PTPRA: variants seen among roughly 807,000 people sequenced by gnomAD.
PTPRA encodes the protein receptor-type tyrosine-protein phosphatase alpha.
In PTPRA, 25 loss-of-function variants were observed where a neutral mutation model predicts 104.8. The ratio of observed to expected loss-of-function variants is 0.24; its 90% CI spans 0.17 to 0.33. PTPRA has a LOEUF of 0.33. Among genes scored for constraint, PTPRA ranks in the 10% least tolerant of loss-of-function variants. PTPRA has a pLI of 1.00. For synonymous variants in PTPRA, 323 were observed against 368.9 expected (o/e 0.88, Z 1.43); for missense variants, 765 against 1,015.3 (o/e 0.75, Z 3.35).
At chr20:2,989,765 C>T (rs1308850117) in intron 9 of PTPRA, among the ~76,000 whole-genome samples, 1 of 152,150 alleles carries the variant, frequency 6.6e-6, no homozygotes, top group Non-Finnish European at 1.5e-5. Context: ...CGCCTGTAAT[C>T]CCAGCACTTT....
At chr20:3,001,875 C>T (rs1178032) in intron 9 of PTPRA, among the ~76,000 whole-genome samples, 36,818 of 152,120 alleles carry the variant, frequency 0.24, 7,919 homozygotes, top group African/African-American at 0.58. Context: ...TTTAATTTCT[C>T]CTATCACTGT....
chr20:2,870,323 G>A (rs565774830), upstream of PTPRA, among the ~76,000 whole-genome samples: 95 of 152,098 alleles, frequency 6.2e-4, no homozygotes, highest in South Asian at 5.8e-3. Context: ...AGCCGAGATC[G>A]TGCCATTGCA....
At chr20:2,873,116 G>A (rs962986737), upstream of PTPRA, among the ~76,000 whole-genome samples, 1 of 152,192 alleles carries the variant, frequency 6.6e-6, no homozygotes, top group African/African-American at 2.4e-5. The surrounding 1 kb of genome is among the most constrained non-coding windows in gnomAD (Gnocchi z 4.4). Flanking sequence ...GATGGCTCTC[G>A]AGTTGCAGGC....
intron 5 of PTPRA, among the ~76,000 whole-genome samples, chr20:2,970,039 TATAAATA>T (rs1166789652): frequency 6.6e-6 from 1 of 152,156 alleles, no homozygotes; most frequent in African/African-American, 2.4e-5. Flanking sequence ...CCATTTATAA[TATAAATA>T]ATAGATATGC....
At chr20:2,980,804 G>T (rs1317965568) in intron 6 of PTPRA, among the ~76,000 whole-genome samples, 2 of 152,110 alleles carry the variant, frequency 1.3e-5, no homozygotes, top group Non-Finnish European at 2.9e-5. Flanking sequence ...ATTTCCCAGG[G>T]CTACTGTTGC....
chr20:2,932,207 G>A (rs1398242157), intron 2 of PTPRA, among the ~76,000 whole-genome samples: 2 of 152,140 alleles, frequency 1.3e-5, no homozygotes, highest in African/African-American at 2.4e-5. Context: ...CTGAGGGCAG[G>A]AATTAGATTT....
At chr20:2,914,578 A>G (rs972338456) in intron 1 of PTPRA, among the ~76,000 whole-genome samples, 4 of 151,822 alleles carry the variant, frequency 2.6e-5, no homozygotes, top group African/African-American at 9.7e-5. Flanking sequence ...TGACAGAGAA[A>G]CTGGGCCCCA....
chr20:2,912,866 G>A (rs185722626), intron 1 of PTPRA, among the ~76,000 whole-genome samples: 2 of 152,210 alleles, frequency 1.3e-5, no homozygotes, highest in Admixed American at 6.5e-5. Flanking sequence ...GGGGTAATGG[G>A]GTACTTTGAC....
intron 3 of PTPRA, among the ~76,000 whole-genome samples, chr20:2,953,119 GA>G (rs890369156): frequency 6.6e-6 from 1 of 152,058 alleles, no homozygotes; most frequent in Non-Finnish European, 1.5e-5. Flanking sequence ...GTTTTTTGAG[GA>G]ATTGCCATAC....
chr20:2,889,055 T>C (rs1353836318), intron 1 of PTPRA, among the ~76,000 whole-genome samples: 1 of 152,202 alleles, frequency 6.6e-6, no homozygotes, highest in Non-Finnish European at 1.5e-5. Flanking sequence ...GAGCAAGTAG[T>C]GGTTAATAGA....
intron 6 of PTPRA, 112 bp from the exon 7 acceptor site, chr20:2,986,653 T>C (rs2062924003): frequency 6.7e-6 from 6 of 890,232 alleles, no homozygotes; most frequent in Admixed American, 1.8e-5. Flanking sequence ...TTTCCTGGCA[T>C]CTGCAGAAGG....
chr20:3,037,950 C>T lies in PTPRA; in HGVS notation c.2335-109C>T. ...GCTCAGGTGAAAGTTCAAAAACATT[C>T]AGTTCCTCTTGATTTTCCATCTTCA... On this transcript the variant is annotated intron_variant, in intron 23 of 23. Coordinates refer to ENST00000399903, the MANE Select transcript of PTPRA (RefSeq NM_001385305.1). The surrounding 1 kb of genome is among the most constrained non-coding windows in gnomAD (Gnocchi z 4.3). 4 of 936,216 alleles carry T rather than the reference C, an allele frequency of 4.3e-6. No homozygotes were observed. The highest frequency in any genetic ancestry group is 6.8e-6 in the Non-Finnish European group (4 of 591,562). 58.0% of individuals were successfully genotyped at this position (936,216 alleles called of 1,614,324 possible). A position where few individuals can be genotyped will look rare whatever the true frequency, so the allele number is the denominator to read the frequency against.
chr20:3,029,456 A>T (rs1334613970), intron 20 of PTPRA, among the ~76,000 whole-genome samples: 1 of 149,714 alleles, frequency 6.7e-6, no homozygotes, highest in Non-Finnish European at 1.5e-5. Flanking sequence ...TTCAATTTTG[A>T]TCAGTCATTT....
At chr20:3,014,890 G>A (rs1268904403) in intron 11 of PTPRA, among the ~76,000 whole-genome samples, 2 of 152,206 alleles carry the variant, frequency 1.3e-5, no homozygotes, top group Non-Finnish European at 2.9e-5. Context: ...AAACAATGAC[G>A]TTGAAAAGAT....
At chr20:3,019,318 G>A (rs1263406490) in intron 13 of PTPRA, among the ~76,000 whole-genome samples, 22 of 151,164 alleles carry the variant, frequency 1.5e-4, no homozygotes, top group Non-Finnish European at 2.7e-4. Flanking sequence ...CTTCCCAGAC[G>A]GGGTGGCTGC....
At chr20:2,904,776 G>T (rs1364921705) in intron 1 of PTPRA, among the ~76,000 whole-genome samples, 1 of 152,024 alleles carries the variant, frequency 6.6e-6, no homozygotes, top group East Asian at 1.9e-4. Flanking sequence ...GTGTAGGAAG[G>T]AGTGAAATGA....
upstream of PTPRA, among the ~76,000 whole-genome samples, chr20:2,869,136 A>T (rs956283012): frequency 5.9e-5 from 9 of 152,180 alleles, no homozygotes; most frequent in African/African-American, 2.2e-4. Context: ...TTTTACAGTG[A>T]ACATTTGTGT....
In PTPRA at chr20:2,950,372, C is replaced by T. The variant is rs2061310669; in HGVS notation, c.-7+2348C>T. ...TTAACTTGTGGGCCAGGCGTCGTGGCTCACACCTGTAATCCCAGCACTTTG... is the reference window on the plus strand; with the variant it reads ...TTAACTTGTGGGCCAGGCGTCGTGGTTCACACCTGTAATCCCAGCACTTTG... On this transcript the variant is annotated intron_variant, in intron 3 of 23. Transcript: ENST00000399903. The surrounding 1 kb of genome is among the most constrained non-coding windows in gnomAD (Gnocchi z 4.0). 6.6e-6 allele frequency among the ~76,000 whole-genome samples: 1 copy of T among 152,048 alleles called. No individual in the cohort carries two copies. Among genetic ancestry groups the T allele is most frequent in the African/African-American group, 2.4e-5 (1 of 41,384 alleles).
chr20:2,971,923 C>T (rs1600193617), intron 5 of PTPRA, among the ~76,000 whole-genome samples: 5 of 152,220 alleles, frequency 3.3e-5, no homozygotes, highest in Admixed American at 2.6e-4. Context: ...CAACCTCCAC[C>T]TCGCGGGTTC....
Sources: gnomAD v4.1 joint callset for allele counts (sites outside exome capture counted in the v4.1 genomes callset) on GRCh38, gnomAD v4.1.1 for gene constraint, Gnocchi (gnomAD v3.1) non-coding constraint, MANE v1.5 for transcripts, NCBI Gene and HGNC (gene_info 2026-07-23, HGNC 2026-07-21) for gene names.